PDE8A: variants seen among roughly 807,000 people sequenced by gnomAD.
PDE8A encodes high affinity cAMP-specific and IBMX-insensitive 3',5'-cyclic phosphodiesterase 8A.
In PDE8A, 59 loss-of-function variants were observed where a neutral mutation model predicts 105.0. That is an observed-to-expected ratio of 0.56 (90% CI 0.46 to 0.70). The LOEUF (loss-of-function observed/expected upper bound fraction) is 0.70. Among genes scored for constraint, PDE8A ranks in the 30% least tolerant of loss-of-function variants. The pLI, the probability that PDE8A is intolerant of heterozygous loss-of-function variation, is 0.00. For missense variants in PDE8A, 1,014 were observed against 1,045.9 expected, an observed-to-expected ratio of 0.97 and a Z score of 0.42; for synonymous variants, 355 against 371.9, an observed-to-expected ratio of 0.95 and a Z score of 0.52.
intron 1 of PDE8A, among the ~76,000 whole-genome samples, chr15:85,019,336 G>A (rs2080381125): frequency 6.6e-6 from 1 of 152,130 alleles, no homozygotes; most frequent in Non-Finnish European, 1.5e-5. Flanking sequence ...AAATACTACA[G>A]TCAAAAAGAT....
At chr15:85,090,259 A>T (rs1257290343) in intron 7 of PDE8A, among the ~76,000 whole-genome samples, 1 of 152,236 alleles carries the variant, frequency 6.6e-6, no homozygotes, top group Non-Finnish European at 1.5e-5. Flanking sequence ...ATCTGTGGAA[A>T]TGGAAATAAT....
At chr15:85,012,489 A>G (rs1325466280) in intron 1 of PDE8A, among the ~76,000 whole-genome samples, 2 of 142,368 alleles carry the variant, frequency 1.4e-5, no homozygotes, top group Non-Finnish European at 3.1e-5. Context: ...ATAGGTGGGA[A>G]TTGAACAATG....
intron 12 of PDE8A, among the ~76,000 whole-genome samples, chr15:85,110,690 T>C (rs1178544529): frequency 1.3e-5 from 2 of 152,206 alleles, no homozygotes; most frequent in Non-Finnish European, 2.9e-5. Flanking sequence ...CACATCTTCT[T>C]CTTGTTTCCA....
chr15:85,098,260 G>C (rs963339193), intron 9 of PDE8A, among the ~76,000 whole-genome samples: 1 of 152,208 alleles, frequency 6.6e-6, no homozygotes, highest in African/African-American at 2.4e-5. Flanking sequence ...TCTTGTTTAA[G>C]CTGCGTGGAT....
intron 12 of PDE8A, 51 bp from the exon 13 acceptor site, chr15:85,113,326 C>T (rs770905366): frequency 4.1e-6 from 6 of 1,476,364 alleles, no homozygotes; most frequent in East Asian, 2.3e-5. Flanking sequence ...GCTGTCAAGA[C>T]AGGTGCCCAG....
At chr15:85,106,026 C>G (rs2081942673) in intron 11 of PDE8A, among the ~76,000 whole-genome samples, 1 of 152,136 alleles carries the variant, frequency 6.6e-6, no homozygotes, top group Non-Finnish European at 1.5e-5. Flanking sequence ...GAGCAGTGAG[C>G]TTAGCAGGGC....
chr15:85,120,152 AC>A (rs977225275), intron 17 of PDE8A: 8 of 151,128 alleles, frequency 5.3e-5, no homozygotes, highest in African/African-American at 2.0e-4. Context: ...AAAAAAAAAA[AC>A]AAAAGAGGCC....
intron 11 of PDE8A, among the ~76,000 whole-genome samples, chr15:85,104,631 C>T (rs1280146690): frequency 6.6e-6 from 1 of 152,026 alleles, no homozygotes. Flanking sequence ...CAGAATGACA[C>T]CAAGATATCT....
At chr15:84,999,568 T>A (rs761897994) in intron 1 of PDE8A, among the ~76,000 whole-genome samples, 3 of 150,946 alleles carry the variant, frequency 2.0e-5, no homozygotes, top group Non-Finnish European at 3.0e-5. Context: ...TTGTTGTTGT[T>A]GTTGTTGCTG....
intron 9 of PDE8A, 98 bp downstream of exon 9, chr15:85,098,134 G>T: frequency 1.3e-6 from 1 of 747,288 alleles, no homozygotes; most frequent in Non-Finnish European, 2.4e-6. Flanking sequence ...TGACAGAAGT[G>T]TCAAGGTCAG....
At chr15:84,998,395 A>G (rs1049657917) in intron 1 of PDE8A, among the ~76,000 whole-genome samples, 1 of 152,226 alleles carries the variant, frequency 6.6e-6, no homozygotes, top group Non-Finnish European at 1.5e-5. Context: ...CAGGTTTGCA[A>G]AGTGTAGCCT....
chr15:85,099,284 G>T (rs1253077375), intron 9 of PDE8A, among the ~76,000 whole-genome samples: 1 of 152,228 alleles, frequency 6.6e-6, no homozygotes, highest in Admixed American at 6.5e-5. Flanking sequence ...CAGGGGTCCA[G>T]CTGCCAGCGT....
At chr15:84,982,488 C>T (rs1461187351) in intron 1 of PDE8A, 140 bp downstream of exon 1, 1 of 477,060 alleles carries the variant, frequency 2.1e-6, no homozygotes, top group Non-Finnish European at 3.4e-6. Context: ...CTGATTGACG[C>T]CAGTCTCCCG....
intron 6 of PDE8A, among the ~76,000 whole-genome samples, 156 bp from the exon 7 acceptor site, chr15:85,089,182 G>A (rs2081600724): frequency 6.6e-6 from 1 of 152,080 alleles, no homozygotes; most frequent in Non-Finnish European, 1.5e-5. Flanking sequence ...TCCAGTGGAG[G>A]GGCTTGCAGG....
In PDE8A at chr15:85,091,196, A is replaced by G; in HGVS notation, c.852+15A>G. 2 of 1,582,836 alleles carry G rather than the reference A, an allele frequency of 1.3e-6. No homozygotes were observed. Among genetic ancestry groups the G allele is most frequent in the Non-Finnish European group, 1.7e-6 (2 of 1,164,646 alleles). ...GGATAGGCAAGGTAAGTAAGAGGTCAGTGCCTTTTTTAACTTTCACAACAC... is the reference window on the plus strand; with the variant it reads ...GGATAGGCAAGGTAAGTAAGAGGTCGGTGCCTTTTTTAACTTTCACAACAC... On this transcript the variant is annotated intron_variant, in intron 8 of 21. Transcript: ENST00000394553.
intron 1 of PDE8A, among the ~76,000 whole-genome samples, chr15:85,029,983 C>G (rs188047299): frequency 1.3e-5 from 2 of 152,312 alleles, no homozygotes; most frequent in Admixed American, 6.5e-5. Flanking sequence ...CTGTGTGCGT[C>G]TGCTCTGTTC....
At chr15:84,984,213 A>G (rs1465432868) in intron 1 of PDE8A, among the ~76,000 whole-genome samples, 3 of 152,222 alleles carry the variant, frequency 2.0e-5, no homozygotes, top group Non-Finnish European at 2.9e-5. Flanking sequence ...CACCACAACC[A>G]CAGAAATAAT....
chr15:84,999,742 T>A (rs2080038079), intron 1 of PDE8A, among the ~76,000 whole-genome samples: 1 of 152,138 alleles, frequency 6.6e-6, no homozygotes, highest in South Asian at 2.1e-4. Context: ...ACCCAGCTAA[T>A]TTTTTGTATT....
chr15:85,063,310 A>G (rs1332077585), intron 1 of PDE8A: 1 of 152,232 alleles, frequency 6.6e-6, no homozygotes, highest in Non-Finnish European at 1.5e-5. Context: ...AACATTTTGT[A>G]GGAAGTCTTA....
Sources: gnomAD v4.1 joint callset for allele counts (sites outside exome capture counted in the v4.1 genomes callset) on GRCh38, gnomAD v4.1.1 for gene constraint, MANE v1.5 for transcripts, NCBI Gene and HGNC (gene_info 2026-07-23, HGNC 2026-07-21) for gene names.